Variants in TFEC observed in about 807,000 individuals in gnomAD.
TFEC encodes the protein transcription factor EC, also known as class E basic helix-loop-helix protein 34.
A neutral mutation model predicts 41.6 loss-of-function variants in TFEC; 31 were observed. The ratio of observed to expected loss-of-function variants is 0.74; its 90% CI spans 0.56 to 1.01. The LOEUF (loss-of-function observed/expected upper bound fraction) is 1.01, where lower values mean the gene tolerates loss of function less well. TFEC is among the 50% of genes least tolerant of loss of function. The pLI is 0.00. For synonymous variants in TFEC, 143 were observed against 140.6 expected (o/e 1.02, Z -0.12); for missense variants, 402 against 404.1 (o/e 0.99, Z 0.04).
chr7:116,132,789 T>C (rs1798358562), intron 1 of TFEC, among the ~76,000 whole-genome samples: 1 of 152,240 alleles, frequency 6.6e-6, no homozygotes. Flanking sequence ...AAACAAGCTA[T>C]AGAATATTAG....
intron 3 of TFEC, among the ~76,000 whole-genome samples, chr7:116,104,860 T>C (rs1016323077): frequency 6.6e-6 from 1 of 151,740 alleles, no homozygotes; most frequent in Non-Finnish European, 1.5e-5. Context: ...GATGATCAAA[T>C]CCTACAGGTT....
intron 3 of TFEC, among the ~76,000 whole-genome samples, chr7:116,051,903 G>A (rs1796321477): frequency 6.6e-6 from 1 of 151,926 alleles, no homozygotes; most frequent in African/African-American, 2.4e-5. Context: ...GTGAGCCACA[G>A]GTTCTCAGGG....
At chr7:116,103,832 AT>A (rs1270607820) in intron 3 of TFEC, among the ~76,000 whole-genome samples, 2 of 152,154 alleles carry the variant, frequency 1.3e-5, no homozygotes, top group African/African-American at 4.8e-5. Context: ...CTAAAGAAGT[AT>A]TTTTTAATCA....
intron 1 of TFEC, among the ~76,000 whole-genome samples, chr7:116,143,504 C>T: frequency 6.6e-6 from 1 of 152,150 alleles, no homozygotes; most frequent in East Asian, 1.9e-4. Context: ...AAGGGACAAA[C>T]ATCAGTCCAG....
At chr7:116,017,405 G>A (rs117380575) in intron 1 of TFEC, among the ~76,000 whole-genome samples, 7 of 152,152 alleles carry the variant, frequency 4.6e-5, no homozygotes, top group African/African-American at 7.2e-5. Context: ...TGTATTTTTC[G>A]TAGAGATGGA....
chr7:115,967,503 C>T (rs989952453), intron 3 of TFEC, among the ~76,000 whole-genome samples: 2 of 151,736 alleles, frequency 1.3e-5, no homozygotes, highest in African/African-American at 4.8e-5. Flanking sequence ...AATGTAGATG[C>T]AATAAACAAG....
chr7:116,070,403 T>C (rs1796799919), intron 3 of TFEC, among the ~76,000 whole-genome samples: 1 of 151,440 alleles, frequency 6.6e-6, no homozygotes. Flanking sequence ...TTAAGTTATT[T>C]AGAAATCTAA....
At chr7:115,954,731 A>C (rs1383085801) in intron 4 of TFEC, 89 bp from the exon 5 acceptor site, 13 of 972,402 alleles carry the variant, frequency 1.3e-5, no homozygotes, top group Non-Finnish European at 2.0e-5. Flanking sequence ...AGGTGAAAAT[A>C]AAATATTATT....
chr7:116,019,934 T>A (rs1180632218), intron 1 of TFEC, among the ~76,000 whole-genome samples: 1 of 152,194 alleles, frequency 6.6e-6, no homozygotes, highest in Non-Finnish European at 1.5e-5. Context: ...CTACTTCTAT[T>A]CTGGTGAACT....
chr7:116,140,028 G>A (rs1798509745), intron 1 of TFEC, among the ~76,000 whole-genome samples: 1 of 152,178 alleles, frequency 6.6e-6, no homozygotes, highest in Admixed American at 6.5e-5. Flanking sequence ...ATGATGCAAT[G>A]GAAGGAATGT....
intron 5 of TFEC, among the ~76,000 whole-genome samples, chr7:115,952,526 G>C (rs925717553): frequency 6.6e-6 from 1 of 151,974 alleles, no homozygotes; most frequent in African/African-American, 2.4e-5. Context: ...ATAAGGGACT[G>C]TTTTTGTCCT....
At chr7:116,008,784 C>T (rs978117286) in intron 1 of TFEC, among the ~76,000 whole-genome samples, 1 of 152,218 alleles carries the variant, frequency 6.6e-6, no homozygotes, top group Non-Finnish European at 1.5e-5. Context: ...AACTACTGAA[C>T]TAAAGTAGAG....
At chr7:116,105,882 CTCCTTT>C (rs1280648089) in intron 3 of TFEC, among the ~76,000 whole-genome samples, 3 of 152,250 alleles carry the variant, frequency 2.0e-5, no homozygotes, top group East Asian at 3.9e-4. Flanking sequence ...AATTAGCAAG[CTCCTTT>C]TCCCCATCTC....
chr7:116,152,701 T>C, intron 1 of TFEC, among the ~76,000 whole-genome samples: 1 of 152,172 alleles, frequency 6.6e-6, no homozygotes, highest in East Asian at 1.9e-4. Flanking sequence ...CCTCCTCTGG[T>C]TCCACCTAGC....
At chr7:116,046,335 G>A (rs1353909610) in intron 3 of TFEC, among the ~76,000 whole-genome samples, 4 of 152,150 alleles carry the variant, frequency 2.6e-5, no homozygotes, top group Non-Finnish European at 5.9e-5. Flanking sequence ...CCAGGAGGAG[G>A]TAACTGAAAA....
intron 3 of TFEC, among the ~76,000 whole-genome samples, chr7:116,073,006 A>G (rs1796866604): frequency 6.6e-6 from 1 of 151,418 alleles, no homozygotes; most frequent in Admixed American, 6.6e-5. Context: ...TTAAATAATT[A>G]AACAAAAAAA....
chr7:115,984,210 A>G lies in TFEC; in HGVS notation c.180+52T>C, dbSNP rs1793748274. On this transcript the variant is annotated intron_variant, in intron 2 of 7. Transcript: ENST00000265440. ...ATGTTGACTTCAATTACTTTAATAG[A>G]GGTTTTTTCAAAAACTGATGATATA... 5 of 1,587,630 alleles carry G rather than the reference A, an allele frequency of 3.1e-6. No individual in the cohort carries two copies. The Admixed American group carries it at 8.6e-5, about 27-fold the overall frequency.
intron 1 of TFEC, among the ~76,000 whole-genome samples, chr7:116,016,370 C>T (rs934580064): frequency 1.3e-5 from 2 of 152,180 alleles, no homozygotes; most frequent in African/African-American, 4.8e-5. Context: ...CCACATTCTT[C>T]CCATAGAGGA....
At chr7:116,140,933 T>A (rs1798527723) in intron 1 of TFEC, among the ~76,000 whole-genome samples, 1 of 152,148 alleles carries the variant, frequency 6.6e-6, no homozygotes, top group South Asian at 2.1e-4. Flanking sequence ...TGTCAACAAA[T>A]TTTCCCCACC....
Sources: allele counts gnomAD v4.1 joint callset (sites outside exome capture counted in the v4.1 genomes callset), GRCh38; gene constraint gnomAD v4.1.1; transcripts MANE v1.5; gene names NCBI Gene and HGNC (gene_info 2026-07-23, HGNC 2026-07-21).